Variants in CDKL5 observed in about 807,000 individuals in gnomAD.
CDKL5 encodes the protein cyclin dependent kinase like 5, also known as cyclin-dependent kinase-like 5.
In CDKL5, 8 loss-of-function variants were observed where a neutral mutation model predicts 61.7. That is an observed-to-expected ratio of 0.13 (90% CI 0.08 to 0.23). CDKL5 has a LOEUF of 0.23. Among genes scored for constraint, CDKL5 ranks in the 10% least tolerant of loss-of-function variants. CDKL5 has a pLI of 1.00. For synonymous variants in CDKL5, 275 were observed against 272.3 expected, an observed-to-expected ratio of 1.01 and a Z score of -0.10; for missense variants, 440 against 734.5, an observed-to-expected ratio of 0.60 and a Z score of 4.63.
chrX:18,437,240 G>A (rs976954735), intron 1 of CDKL5, among the ~76,000 whole-genome samples: 1 of 111,213 alleles, frequency 9.0e-6, no homozygotes, highest in Non-Finnish European at 1.9e-5. Flanking sequence ...TGTCGTCTGC[G>A]GTACTCCTTT....
chrX:18,537,518 A>T (rs1923886222), intron 3 of CDKL5, among the ~76,000 whole-genome samples: 1 of 111,833 alleles, frequency 8.9e-6, no homozygotes, highest in Non-Finnish European at 1.9e-5. Flanking sequence ...CACCAATTTT[A>T]TCTGCACTCC....
chrX:18,451,835 C>T (rs748032363), intron 1 of CDKL5, among the ~76,000 whole-genome samples: 2 of 112,210 alleles, frequency 1.8e-5, no homozygotes, highest in African/African-American at 6.5e-5. Context: ...CCACCATGCC[C>T]GGCCCCCTTT....
At chrX:18,433,474 G>A (rs891484288) in intron 1 of CDKL5, among the ~76,000 whole-genome samples, 1 of 111,612 alleles carries the variant, frequency 9.0e-6, no homozygotes, top group Non-Finnish European at 1.9e-5. Flanking sequence ...TGCTTAAACC[G>A]GGGAGGTGGA....
chrX:18,579,704 T>G, intron 5 of CDKL5, 144 bp from the exon 6 acceptor site: 22 of 545,491 alleles, frequency 4.0e-5, no homozygotes, highest in Non-Finnish European at 6.0e-5. Flanking sequence ...TGATTCAGCA[T>G]GAGAAAGTTG....
intron 3 of CDKL5, among the ~76,000 whole-genome samples, chrX:18,552,822 G>A (rs1005975809): frequency 1.5e-4 from 17 of 111,263 alleles, no homozygotes; most frequent in Admixed American, 7.7e-4. Context: ...ATGGCAAGGA[G>A]AGATGTGACT....
In CDKL5 at chrX:18,633,522, G is replaced by C; in HGVS notation, c.*4765G>C. On this transcript the variant is annotated 3_prime_UTR_variant, in exon 18 of 18. Coordinates refer to ENST00000623535, the MANE Select transcript of CDKL5 (RefSeq NM_001323289.2). ...TTACAATTTCTTCCTTTTGCTTCTTGACCAGCTGAGATACAGAATATCTTG... is the reference window on the plus strand; with the variant it reads ...TTACAATTTCTTCCTTTTGCTTCTTCACCAGCTGAGATACAGAATATCTTG... 1.3e-6 allele frequency: 1 copy of C among 753,811 alleles called. No homozygotes were observed. The highest frequency in any genetic ancestry group is 1.6e-6 in the Non-Finnish European group (1 of 638,956). The allele number at this position is 753,811 out of a possible 1,213,427, so 62.1% of individuals were successfully genotyped here.
chrX:18,483,471 G>C (rs948634845), intron 1 of CDKL5, among the ~76,000 whole-genome samples: 1 of 110,403 alleles, frequency 9.1e-6, no homozygotes, highest in African/African-American at 3.3e-5. Context: ...AGGCTGGAGT[G>C]CAGTGGCACA....
At chrX:18,556,458 A>G (rs913023965) in intron 3 of CDKL5, among the ~76,000 whole-genome samples, 1 of 111,230 alleles carries the variant, frequency 9.0e-6, no homozygotes, top group Non-Finnish European at 1.9e-5. Context: ...GCTCTGCTAC[A>G]TCTTAGCTGT....
intron 1 of CDKL5, among the ~76,000 whole-genome samples, chrX:18,499,040 G>T (rs1051391587): frequency 1.8e-5 from 2 of 111,755 alleles, no homozygotes; most frequent in African/African-American, 3.3e-5. Context: ...CAAAATACTG[G>T]GATTACAGGC....
At chrX:18,532,100 G>A (rs1187090102) in intron 3 of CDKL5, among the ~76,000 whole-genome samples, 1 of 112,174 alleles carries the variant, frequency 8.9e-6, no homozygotes, top group Admixed American at 9.4e-5. Flanking sequence ...TTTTAAAATT[G>A]GAAATATCTT....
chrX:18,444,007 GTTTA>G (rs1387508797), intron 1 of CDKL5: 1 of 107,052 alleles, frequency 9.3e-6, no homozygotes, highest in Non-Finnish European at 1.9e-5. Context: ...GCTTTTCCTT[GTTTA>G]TTTATTTATT....
At position 18,544,097 on chromosome X, in the gene CDKL5, C is replaced by G. The variant is rs139435085; in HGVS notation, c.100-20380C>G. Among the ~76,000 whole-genome samples, 11 of 112,410 alleles carry G rather than the reference C, an allele frequency of 9.8e-5. No individual in the cohort carries two copies. The East Asian group carries it at 2.8e-3, about 29-fold the overall frequency. ...GGTGGAATCTCCGCAAGTACCACAACTGTCAGAAGTCCTGAACACCCCTCT... is the reference window on the plus strand; with the variant it reads ...GGTGGAATCTCCGCAAGTACCACAAGTGTCAGAAGTCCTGAACACCCCTCT... On this transcript the variant is annotated intron_variant, in intron 3 of 17. Coordinates refer to ENST00000623535, the MANE Select transcript of CDKL5 (RefSeq NM_001323289.2).
At chrX:18,490,770 A>G (rs1464989652) in intron 1 of CDKL5, among the ~76,000 whole-genome samples, 1 of 112,137 alleles carries the variant, frequency 8.9e-6, no homozygotes, top group East Asian at 2.8e-4. Context: ...TATTATTTGT[A>G]TGGCCAAAGT....
At chrX:18,466,804 T>C (rs780770823) in intron 1 of CDKL5, among the ~76,000 whole-genome samples, 2 of 111,970 alleles carry the variant, frequency 1.8e-5, no homozygotes, top group Admixed American at 9.5e-5. Context: ...TGAGCCACCA[T>C]GCCTGGCTCA....
chrX:18,533,864 G>T (rs2147110976), intron 3 of CDKL5, among the ~76,000 whole-genome samples: 1 of 111,961 alleles, frequency 8.9e-6, no homozygotes, highest in African/African-American at 3.3e-5. Flanking sequence ...TGTTAGCACA[G>T]AATACCCATC....
rs754433548 is a variant in CDKL5, at chrX:18,579,833, CTATT to C, written c.283-12_283-9del. ...CTACCTAATTTGGGAAATAATGACTCTATTTAATTTTTAGAATATGCTCGAATTG... is the reference window on the plus strand; with the variant it reads ...CTACCTAATTTGGGAAATAATGACTCTAATTTTTAGAATATGCTCGAATTG... On this transcript the variant is annotated splice_polypyrimidine_tract_variant and intron_variant, in intron 5 of 17. Coordinates refer to ENST00000623535, the MANE Select transcript of CDKL5 (RefSeq NM_001323289.2). 8.3e-7 allele frequency: 1 copy of C among 1,201,916 alleles called. No homozygotes were observed. The highest frequency in any genetic ancestry group is 1.1e-6 in the Non-Finnish European group (1 of 887,578).
intron 5 of CDKL5, among the ~76,000 whole-genome samples, chrX:18,575,898 C>T (rs1234144640): frequency 1.8e-5 from 2 of 111,471 alleles, no homozygotes; most frequent in African/African-American, 3.3e-5. Context: ...GCCCAGGAAG[C>T]AGCTTATGTG....
At chrX:18,444,842 C>T (rs914568494) in intron 1 of CDKL5, among the ~76,000 whole-genome samples, 6 of 111,768 alleles carry the variant, frequency 5.4e-5, no homozygotes, top group African/African-American at 1.9e-4. Context: ...TTTGCTGTTT[C>T]TCCGTGTGGT....
intron 3 of CDKL5, among the ~76,000 whole-genome samples, chrX:18,520,238 T>A (rs1923197084): frequency 8.9e-6 from 1 of 112,331 alleles, no homozygotes; most frequent in South Asian, 3.7e-4. Context: ...GTACTCACTA[T>A]TTACCCCCCA....
Sources: gnomAD v4.1 joint callset for allele counts (sites outside exome capture counted in the v4.1 genomes callset) on GRCh38, gnomAD v4.1.1 for gene constraint, MANE v1.5 for transcripts, NCBI Gene and HGNC (gene_info 2026-07-23, HGNC 2026-07-21) for gene names.